The following OPRM1 variants were observed in gnomAD, a reference collection of about 807,000 sequenced individuals.
OPRM1 encodes the protein mu-type opioid receptor.
OPRM1 carries 27 observed loss-of-function variants against 31.8 expected under a neutral mutation model. The observed-to-expected ratio is 0.85, with a 90% CI of 0.63 to 1.17. OPRM1 has a LOEUF of 1.17. Among genes scored for constraint, OPRM1 ranks in the 50% most tolerant of loss-of-function variants. OPRM1 has a pLI of 0.00. For synonymous variants in OPRM1, 196 were observed against 189.9 expected, an observed-to-expected ratio of 1.03 and a Z score of -0.26; for missense variants, 536 against 511.1, an observed-to-expected ratio of 1.05 and a Z score of -0.47.
intron 3 of OPRM1, among the ~76,000 whole-genome samples, chr6:154,174,638 TGCACCCAATACAGGA>T (rs1800154456): frequency 6.6e-6 from 1 of 152,176 alleles, no homozygotes; most frequent in South Asian, 2.1e-4. Flanking sequence ...TAAATATATA[TGCACCCAATACAGGA>T]GCACCCAGAT....
rs1351554376 is a variant in OPRM1 at position 154,130,164 on chromosome 6, A to C, written c.*11443A>C. The stretch of plus-strand genomic sequence containing the variant: ...ACCATCGATTTCATGGAAATGTTTA[A>C]ATTTTCTTTTTTTTTTTTTTTTTTG... On this transcript the variant is annotated 3_prime_UTR_variant, in exon 4 of 4. Coordinates refer to ENST00000330432, the MANE Select transcript of OPRM1 (RefSeq NM_000914.5). Among the ~76,000 whole-genome samples the C allele has an allele frequency of 1.1e-5, 1 of 94,126 alleles. No homozygotes were observed. The highest frequency in any genetic ancestry group is 2.0e-5 in the Non-Finnish European group (1 of 49,700). 61.8% of individuals were successfully genotyped at this position (94,126 alleles called of 152,430 possible).
Position 154,039,668 on chromosome 6 carries a change from T to A in OPRM1, c.124T>A (p.Ser42Thr), listed in dbSNP as rs76546679. The A allele has an allele frequency of 1.1e-3, 1,769 of 1,613,986 alleles. 22 individuals are homozygous for A. The South Asian group carries it at 0.011, about 10-fold the overall frequency. Residue 42 changes from serine (S) to threonine (T), a missense_variant, in exon 1 of 4, where the codon TCC (serine) becomes ACC (threonine). By Grantham distance (58) the Ser-to-Thr change is moderately conservative. Coordinates refer to ENST00000330432, the MANE Select transcript of OPRM1 (RefSeq NM_000914.5). ...VNLSHLDGNL[S>T]DPCGPNRTDL... ...CTTGTCCCACTTAGATGGCAACCTGTCCGACCCATGCGGTCCGAACCGCAC... is the reference window on the plus strand; with the variant it reads ...CTTGTCCCACTTAGATGGCAACCTGACCGACCCATGCGGTCCGAACCGCAC...
chr6:154,224,068 A>T (rs1280883494), intron 3 of OPRM1, among the ~76,000 whole-genome samples: 1 of 152,240 alleles, frequency 6.6e-6, no homozygotes. Context: ...TTCGTCACCC[A>T]TAGAACTCAA....
At chr6:154,174,831 A>G (rs1248561217) in intron 3 of OPRM1, among the ~76,000 whole-genome samples, 1 of 152,236 alleles carries the variant, frequency 6.6e-6, no homozygotes, top group Non-Finnish European at 1.5e-5. Flanking sequence ...CCTAACAGAC[A>G]TCTACAGAAC....
chr6:154,152,347 G>GGAAAGAAAGAAAGAAAGAAAGAAAGAAA (rs71021028), intron 3 of OPRM1, among the ~76,000 whole-genome samples: 133 of 65,094 alleles, frequency 2.0e-3, no homozygotes, highest in Admixed American at 2.6e-3. Flanking sequence ...AAGAAAGAAA[G>GGAAAGAAAGAAAGAAAGAAAGAAAGAAA]GAAAGAAAGA....
intron 3 of OPRM1, among the ~76,000 whole-genome samples, chr6:154,189,174 C>T (rs985587805): frequency 6.6e-6 from 1 of 152,186 alleles, no homozygotes; most frequent in Non-Finnish European, 1.5e-5. Context: ...AATAAACACT[C>T]TTAGATGTGC....
intron 3 of OPRM1, among the ~76,000 whole-genome samples, chr6:154,164,905 G>A (rs1225190709): frequency 6.6e-6 from 1 of 152,174 alleles, no homozygotes; most frequent in East Asian, 1.9e-4. Context: ...TTTTGCTCAA[G>A]TTCAACTTGG....
At chr6:154,246,763 G>T (rs1781073794) in exon 4 of OPRM1, 1 of 1,613,314 alleles carries the variant, frequency 6.2e-7, no homozygotes, top group Non-Finnish European at 8.5e-7. Context: ...GAGAAAACCT[G>T]CAATGATTAC....
chr6:154,013,234 T>C (rs540503111), intron 1 of OPRM1, among the ~76,000 whole-genome samples: 2 of 152,154 alleles, frequency 1.3e-5, no homozygotes, highest in African/African-American at 2.4e-5. Flanking sequence ...ATGTGATGCA[T>C]AGAATACCAA....
intron 1 of OPRM1, among the ~76,000 whole-genome samples, chr6:154,071,853 T>C (rs1360176629): frequency 6.6e-6 from 1 of 152,146 alleles, no homozygotes; most frequent in Non-Finnish European, 1.5e-5. Context: ...TGGTTGTGGG[T>C]GATTTTGGTT....
chr6:154,235,220 C>T (rs1240124177), intron 3 of OPRM1, among the ~76,000 whole-genome samples: 2 of 152,170 alleles, frequency 1.3e-5, no homozygotes, highest in Non-Finnish European at 2.9e-5. Flanking sequence ...GGTGCATTCT[C>T]TTTGAATATT....
intron 3 of OPRM1, among the ~76,000 whole-genome samples, chr6:154,208,153 T>C (rs1407639094): frequency 2.0e-5 from 3 of 152,034 alleles, no homozygotes; most frequent in African/African-American, 2.4e-5. Context: ...CTCCCTAAAG[T>C]CCTTAACTGG....
chr6:154,124,404 A>G lies in OPRM1; in HGVS notation c.*5683A>G, dbSNP rs945747683. 6.6e-6 allele frequency among the ~76,000 whole-genome samples: 1 copy of G among 152,162 alleles called. No individual in the cohort carries two copies. The highest frequency in any genetic ancestry group is 6.5e-5 in the Admixed American group (1 of 15,278). On this transcript the variant is annotated 3_prime_UTR_variant, in exon 4 of 4. Transcript: ENST00000330432. Reference sequence around the variant, plus strand: ...CATTTCCTGTTACCTTGTACTGAGAACTTCATTAAAACCTGCACTTGAAAT... The same window carrying G: ...CATTTCCTGTTACCTTGTACTGAGAGCTTCATTAAAACCTGCACTTGAAAT...
chr6:154,033,998 C>T (rs1401464319), intron 1 of OPRM1, among the ~76,000 whole-genome samples: 1 of 152,176 alleles, frequency 6.6e-6, no homozygotes, highest in East Asian at 1.9e-4. Flanking sequence ...CAGACGTGCA[C>T]TCACAGAAGA....
chr6:154,039,337 A>AG lies in OPRM1; in HGVS notation c.-203dup. The AG allele has an allele frequency of 1.3e-6, 2 of 1,548,844 alleles. No homozygotes were observed. The highest frequency in any genetic ancestry group is 1.7e-6 in the Non-Finnish European group (2 of 1,145,476). ...AGCCTCTGTGAACTACTAAGGTGGGAGGGGGCTATACGCAGAGGAGAATGT... is the reference window on the plus strand; with the variant it reads ...AGCCTCTGTGAACTACTAAGGTGGGAGGGGGGCTATACGCAGAGGAGAATGT... On this transcript the variant is annotated 5_prime_UTR_variant, in exon 1 of 4. The change abolishes the stop of an existing upstream ORF in the 5' untranslated region. Transcript: ENST00000330432.
At chr6:154,042,653 C>G (rs1379472746) in intron 1 of OPRM1, among the ~76,000 whole-genome samples, 3 of 152,048 alleles carry the variant, frequency 2.0e-5, no homozygotes, top group Non-Finnish European at 4.4e-5. Flanking sequence ...AGTAGTATAA[C>G]TTAAATGAGA....
intron 3 of OPRM1, chr6:154,159,930 G>C: frequency 1.2e-6 from 2 of 1,613,554 alleles, no homozygotes; most frequent in African/African-American, 2.7e-5. Context: ...GCTGCTGATA[G>C]ATGTCCTGGA....
At chr6:154,204,664 A>T (rs1015756916) in intron 3 of OPRM1, among the ~76,000 whole-genome samples, 1 of 152,124 alleles carries the variant, frequency 6.6e-6, no homozygotes, top group African/African-American at 2.4e-5. Context: ...TGTGACCTTG[A>T]AGAAGTCATT....
chr6:154,134,085 C>T (rs1797996214), downstream of OPRM1, among the ~76,000 whole-genome samples: 2 of 152,200 alleles, frequency 1.3e-5, no homozygotes, highest in Admixed American at 1.3e-4. Flanking sequence ...CAGTGGGGAA[C>T]CATCAGTGAT....
Sources: gnomAD v4.1 joint callset for allele counts (sites outside exome capture counted in the v4.1 genomes callset) on GRCh38, gnomAD v4.1.1 for gene constraint, MANE v1.5 for transcripts, NCBI Gene and HGNC (gene_info 2026-07-23, HGNC 2026-07-21) for gene names.